GABBR2: variants seen among roughly 807,000 people sequenced by gnomAD.
The protein encoded by GABBR2 is gamma-aminobutyric acid type B receptor subunit 2.
A neutral mutation model predicts 105.6 loss-of-function variants in GABBR2; 23 were observed. The ratio of observed to expected loss-of-function variants is 0.22; its 90% CI spans 0.16 to 0.31. The LOEUF (loss-of-function observed/expected upper bound fraction) is 0.31, where lower values mean the gene tolerates loss of function less well. Ranked by LOEUF, GABBR2 falls within the 10% of genes least tolerant of loss-of-function variation. GABBR2 has a pLI of 1.00. For synonymous variants in GABBR2, 478 were observed against 499.7 expected, an observed-to-expected ratio of 0.96 and a Z score of 0.58; for missense variants, 734 against 1,245.5, an observed-to-expected ratio of 0.59 and a Z score of 6.18.
At chr9:98,332,711 A>G (rs780957131) in intron 13 of GABBR2, among the ~76,000 whole-genome samples, 4 of 152,224 alleles carry the variant, frequency 2.6e-5, no homozygotes, top group Non-Finnish European at 4.4e-5. Context: ...TGAACATGCA[A>G]TCTCTCGTCA....
chr9:98,317,537 T>C (rs1830739440), intron 13 of GABBR2, among the ~76,000 whole-genome samples: 1 of 152,188 alleles, frequency 6.6e-6, no homozygotes, highest in Non-Finnish European at 1.5e-5. Flanking sequence ...ATCCCTGCCC[T>C]TTTCTAGACC....
chr9:98,526,126 T>C (rs1055923269), intron 3 of GABBR2, among the ~76,000 whole-genome samples: 5 of 152,222 alleles, frequency 3.3e-5, no homozygotes, highest in African/African-American at 1.2e-4. Context: ...TTGTATGCTT[T>C]AAAATGGTGG....
At chr9:98,404,398 T>C (rs1023814512) in intron 8 of GABBR2, among the ~76,000 whole-genome samples, 6 of 152,158 alleles carry the variant, frequency 3.9e-5, no homozygotes, top group Non-Finnish European at 7.3e-5. Flanking sequence ...TACAGAGCGA[T>C]AGCGCTGAAG....
intron 3 of GABBR2, among the ~76,000 whole-genome samples, chr9:98,520,248 G>A (rs1175657021): frequency 6.6e-6 from 1 of 152,214 alleles, no homozygotes; most frequent in Non-Finnish European, 1.5e-5. Flanking sequence ...GGGATTGGGG[G>A]AAGGAGAGGA....
At chr9:98,367,139 T>G (rs1831691349) in intron 12 of GABBR2, among the ~76,000 whole-genome samples, 2 of 150,132 alleles carry the variant, frequency 1.3e-5, no homozygotes, top group African/African-American at 2.5e-5. Flanking sequence ...ATAGGGCATA[T>G]GGGGTGAAGT....
intron 1 of GABBR2, 43 bp from the exon 2 acceptor site, chr9:98,578,115 G>T: frequency 6.2e-7 from 1 of 1,608,342 alleles, no homozygotes; most frequent in Non-Finnish European, 8.5e-7. Flanking sequence ...ATTAGAAACA[G>T]CTTTTCCCCA....
At chr9:98,574,463 C>A (rs1435355615) in intron 2 of GABBR2, among the ~76,000 whole-genome samples, 4 of 152,174 alleles carry the variant, frequency 2.6e-5, no homozygotes, top group African/African-American at 9.7e-5. Context: ...GATCCTTCGG[C>A]CCTAATCAAG....
chr9:98,472,863 A>T lies in GABBR2; in HGVS notation c.999+283T>A, dbSNP rs12553207. ...TTTTACAGAGTCTAAAGGGCCCTGAAGTTGATGCCAGGACTCTATTATTCA... is the reference window on the plus strand; with the variant it reads ...TTTTACAGAGTCTAAAGGGCCCTGATGTTGATGCCAGGACTCTATTATTCA... On this transcript the variant is annotated intron_variant, in intron 6 of 18. Coordinates refer to ENST00000259455, the MANE Select transcript of GABBR2 (RefSeq NM_005458.8). Among the ~76,000 whole-genome samples, 36,129 of 152,044 alleles carry T rather than the reference A, an allele frequency of 0.24. 4,719 individuals are homozygous for T. The highest frequency in any genetic ancestry group is 0.52 in the East Asian group (2,668 of 5,144).
chr9:98,559,866 T>C (rs1373422237), intron 2 of GABBR2, among the ~76,000 whole-genome samples: 1 of 151,882 alleles, frequency 6.6e-6, no homozygotes, highest in Admixed American at 6.6e-5. Flanking sequence ...AATGCCTTTC[T>C]ACAGTGATAA....
At chr9:98,471,871 C>T (rs1004995534) in intron 6 of GABBR2, among the ~76,000 whole-genome samples, 29 of 152,242 alleles carry the variant, frequency 1.9e-4, no homozygotes, top group African/African-American at 6.7e-4. Flanking sequence ...GTTATTTCTG[C>T]TCATTATTCA....
chr9:98,292,787 C>T (rs529131625), intron 18 of GABBR2, among the ~76,000 whole-genome samples: 1 of 152,352 alleles, frequency 6.6e-6, no homozygotes, highest in South Asian at 2.1e-4. Flanking sequence ...TGTTAGGATC[C>T]TGTTCACCTT....
At chr9:98,503,302 T>C (rs1827442314) in intron 3 of GABBR2, among the ~76,000 whole-genome samples, 1 of 152,126 alleles carries the variant, frequency 6.6e-6, no homozygotes, top group Non-Finnish European at 1.5e-5. Flanking sequence ...AGGGAGGCTG[T>C]CGGAATGAAC....
chr9:98,632,188 T>C (rs1345260425), intron 1 of GABBR2, among the ~76,000 whole-genome samples: 1 of 152,194 alleles, frequency 6.6e-6, no homozygotes, highest in East Asian at 1.9e-4. Flanking sequence ...GAAAGAAGTA[T>C]GTCCTAGTGG....
At chr9:98,614,488 G>GCA (rs370457408) in intron 1 of GABBR2, among the ~76,000 whole-genome samples, 18 of 152,268 alleles carry the variant, frequency 1.2e-4, no homozygotes, top group African/African-American at 3.4e-4. Context: ...TTGCGCCAAT[G>GCA]CACTCCAGCC....
intron 2 of GABBR2, among the ~76,000 whole-genome samples, chr9:98,573,434 C>T (rs968879814): frequency 6.6e-6 from 1 of 152,136 alleles, no homozygotes; most frequent in Non-Finnish European, 1.5e-5. Context: ...AGGAGTGTGC[C>T]ACCACACCCG....
chr9:98,459,044 C>T (rs773784940), intron 6 of GABBR2, among the ~76,000 whole-genome samples: 13 of 152,158 alleles, frequency 8.5e-5, no homozygotes, highest in Middle Eastern at 3.2e-3. Context: ...ACCTCTCTCC[C>T]TGAAACTTGT....
At chr9:98,465,450 A>G (rs1438139235) in intron 6 of GABBR2, among the ~76,000 whole-genome samples, 1 of 152,236 alleles carries the variant, frequency 6.6e-6, no homozygotes, top group East Asian at 1.9e-4. Context: ...AAAACACAAG[A>G]TAGGAAAATA....
intron 4 of GABBR2, among the ~76,000 whole-genome samples, chr9:98,490,977 C>T (rs528845751): frequency 1.3e-5 from 2 of 150,592 alleles, no homozygotes; most frequent in East Asian, 1.9e-4. Flanking sequence ...TTCATTATTC[C>T]GTTCCTCTGT....
At chr9:98,330,234 C>T (rs1261023626) in intron 13 of GABBR2, among the ~76,000 whole-genome samples, 5 of 152,214 alleles carry the variant, frequency 3.3e-5, no homozygotes, top group East Asian at 1.9e-4. Context: ...GGAATATCGA[C>T]TCCTTGAGGT....
Sources: gnomAD v4.1 joint callset for allele counts (sites outside exome capture counted in the v4.1 genomes callset) on GRCh38, gnomAD v4.1.1 for gene constraint, MANE v1.5 for transcripts, NCBI Gene and HGNC (gene_info 2026-07-23, HGNC 2026-07-21) for gene names.